PKP3: variants seen among roughly 807,000 people sequenced by gnomAD.
PKP3 encodes the protein plakophilin 3, also known as plakophilin-3.
In PKP3, 66 loss-of-function variants were observed where a neutral mutation model predicts 76.5. The ratio of observed to expected loss-of-function variants is 0.86; its 90% confidence interval spans 0.71 to 1.06. PKP3 has a LOEUF of 1.06. Ranked by LOEUF, PKP3 falls within the 50% of genes least tolerant of loss-of-function variation. The pLI, the probability that PKP3 is intolerant of heterozygous loss-of-function variation, is 0.00. For synonymous variants in PKP3, 638 were observed against 516.5 expected (o/e 1.24, Z -3.19); for missense variants, 1,338 against 1,141.0 (o/e 1.17, Z -2.49).
At chr11:394,075 C>A, upstream of PKP3, 1 of 628,420 alleles carries the variant, frequency 1.6e-6, no homozygotes. Flanking sequence ...GTTCTTCCGC[C>A]CAAATTCCAC....
intron 1 of PKP3, among the ~76,000 whole-genome samples, chr11:395,704 C>G (rs1847036771): frequency 6.6e-6 from 1 of 152,182 alleles, no homozygotes; most frequent in African/African-American, 2.4e-5. Context: ...GGGTGTCCCC[C>G]ACAGAGCATC....
rs1171788045 is a variant in PKP3 at position 400,443 on chromosome 11, G to A, written c.1558G>A (p.Glu520Lys). 5 of 1,545,772 alleles carry A rather than the reference G, an allele frequency of 3.2e-6. No individual in the cohort carries two copies. Among genetic ancestry groups the A allele is most frequent in the Admixed American group, 3.9e-5 (2 of 50,888 alleles). The change falls in exon 7 of 13, where the codon GAG becomes AAG. Residue 520 changes from glutamate (E) to lysine (K), a missense_variant. Physicochemically the swap from Glu to Lys is moderately conservative, Grantham distance 56. Coordinates refer to ENST00000331563, the MANE Select transcript of PKP3 (RefSeq NM_007183.4). ...CCACGCCCTGGACGCGGGCAAATGCGAGGACAAGGTGAGGGGCGCGGTGTG... is the reference window on the plus strand; with the variant it reads ...CCACGCCCTGGACGCGGGCAAATGCAAGGACAAGGTGAGGGGCGCGGTGTG... ...INHALDAGKC[E>K]DKSVENAVCV... is the part of the protein sequence containing the mutation.
upstream of PKP3, chr11:394,114 A>C: frequency 1.0e-6 from 1 of 960,398 alleles, no homozygotes; most frequent in Non-Finnish European, 1.4e-6. Flanking sequence ...CCTCCCTCCC[A>C]CCTGGCCAGG....
chr11:392,761 C>A, upstream of PKP3: 1 of 975,930 alleles, frequency 1.0e-6, no homozygotes, highest in Non-Finnish European at 1.4e-6. Context: ...TGGCCCCAGC[C>A]CGGGCCTCAC....
In PKP3 at chr11:403,394, G is replaced by T. The variant is rs779656038; in HGVS notation, c.1923+131G>T. On this transcript the variant is annotated intron_variant, in intron 9 of 12. Coordinates refer to ENST00000331563, the MANE Select transcript of PKP3 (RefSeq NM_007183.4). The stretch of plus-strand genomic sequence containing the variant: ...GCGGAGCCTCGGAGGTCAGCGTCCC[G>T]GTGGCGCAGGCCTTGGGCCTTGGGA... 6 of 874,878 alleles carry T rather than the reference G, an allele frequency of 6.9e-6. No homozygotes were observed. In the South Asian group the frequency reaches 7.0e-5, roughly 10 times the overall value. The allele number at this position is 874,878 out of a possible 1,614,324, so 54.2% of individuals were successfully genotyped here. A position where few individuals can be genotyped will look rare whatever the true frequency, so the allele number is the denominator to read the frequency against.
rs1041594923 is a variant in PKP3 at position 403,060 on chromosome 11, C to G, written c.1738-18C>G. ...CCCGCTCACCCCGACCCCGCCGACT[C>G]CTCCCCGCCCTGCGCAGCTGCCCCT... On this transcript the variant is annotated intron_variant, in intron 8 of 12. Transcript: ENST00000331563. 1 of 1,423,010 alleles carries G rather than the reference C, an allele frequency of 7.0e-7. No homozygotes were observed. Among genetic ancestry groups the G allele is most frequent in the East Asian group, 2.9e-5 (1 of 34,644 alleles). 88.1% of individuals were successfully genotyped at this position (1,423,010 alleles called of 1,614,324 possible).
intron 5 of PKP3, 140 bp from the exon 6 acceptor site, chr11:399,827 G>T (rs1847119559): frequency 3.0e-6 from 2 of 669,224 alleles, no homozygotes; most frequent in East Asian, 2.8e-5. Flanking sequence ...CCACCCCAGG[G>T]TCTCCCCAGT....
Position 396,878 on chromosome 11 carries a change from A to G in PKP3, c.377A>G (p.Asp126Gly), listed in dbSNP as rs1847053328. 2 of 1,600,224 alleles carry G rather than the reference A, an allele frequency of 1.2e-6. No homozygotes were observed. Among genetic ancestry groups the G allele is most frequent in the Non-Finnish European group, 8.5e-7 (1 of 1,176,434 alleles). The change falls in exon 3 of 13, where the codon GAT becomes GGT. Residue 126 changes from aspartate to glycine, a missense_variant. By Grantham distance (94) the Asp-to-Gly change is moderately conservative. Transcript: ENST00000331563. ...PASWSSRSAV[D>G]LSCSRRLSSA... Reference sequence around the variant, plus strand: ...TCCTGGTCCTCCCGCTCCGCCGTGGATCTGAGCTGCAGTCGGAGGCTGAGT... The same window carrying G: ...TCCTGGTCCTCCCGCTCCGCCGTGGGTCTGAGCTGCAGTCGGAGGCTGAGT...
chr11:396,211 C>T (rs1847042598), intron 1 of PKP3: 2 of 199,384 alleles, frequency 1.0e-5, no homozygotes, highest in East Asian at 2.6e-4. Context: ...ACAGGAGGGG[C>T]TCAAAAGGAG....
Position 396,613 on chromosome 11 carries a change from TC to T in PKP3, c.240del (p.Arg81GlyfsTer18). The T allele has an allele frequency of 6.2e-7, 1 of 1,605,708 alleles. No homozygotes were observed. Among genetic ancestry groups the T allele is most frequent in the Admixed American group, 1.7e-5 (1 of 59,408 alleles). ...EPEAETARGTSRGQYHTLQAG... is the reference protein window; with the variant it reads ...EPEAETARGTXRGQYHTLQAG... Reference sequence around the variant, plus strand: ...ACCACCGTCCCTCTCCACAGGCACATCCAGGGGGCAGTACCACACCCTGCAG... The same window carrying T: ...ACCACCGTCCCTCTCCACAGGCACATCAGGGGGCAGTACCACACCCTGCAG... On this transcript the variant is annotated frameshift_variant, in exon 2 of 13. Coordinates refer to ENST00000331563, the MANE Select transcript of PKP3 (RefSeq NM_007183.4). LOFTEE classifies it high-confidence loss of function.
At position 403,231 on chromosome 11, in the gene PKP3, G is replaced by C. The variant is rs1229102488; in HGVS notation, c.1891G>C (p.Ala631Pro). The change falls in exon 9 of 13, where the codon GCG becomes CCG. Residue 631 changes from alanine (A) to proline (P), a missense_variant. Ala to Pro is a conservative substitution (Grantham distance 27). Coordinates refer to ENST00000331563, the MANE Select transcript of PKP3 (RefSeq NM_007183.4). The part of the protein sequence containing the change: ...NRHTTEAAAG[A>P]LQNITAGDRR... ...GCACACGACGGAGGCGGCCGCCGGG[G>C]CGCTGCAGAACATCACGGCAGGCGA... 6.3e-7 allele frequency: 1 copy of C among 1,588,774 alleles called. No homozygotes were observed. Among genetic ancestry groups the C allele is most frequent in the Admixed American group, 1.8e-5 (1 of 56,804 alleles).
At chr11:402,846 C>G (rs1847176797) in intron 8 of PKP3, among the ~76,000 whole-genome samples, 1 of 3,982 alleles carries the variant, frequency 2.5e-4, no homozygotes, top group Non-Finnish European at 3.9e-4. Flanking sequence ...CACCCCCGCC[C>G]CGCTCACCCC....
At position 400,386 on chromosome 11, in the gene PKP3, G is replaced by C; in HGVS notation, c.1501G>C (p.Gly501Arg). 4 of 1,549,216 alleles carry C rather than the reference G, an allele frequency of 2.6e-6. No individual in the cohort carries two copies. Among genetic ancestry groups the C allele is most frequent in the Non-Finnish European group, 3.5e-6 (4 of 1,146,310 alleles). ...TCGCCAGAAGATGCGGGAGTGCCACGGGCTGGTGGACGCCCTGGTCACCTC... is the reference window on the plus strand; with the variant it reads ...TCGCCAGAAGATGCGGGAGTGCCACCGGCTGGTGGACGCCCTGGTCACCTC... ...ATRQKMRECHGLVDALVTSIN... is the reference protein window; with the variant it reads ...ATRQKMRECHRLVDALVTSIN... The change falls in exon 7 of 13, where the codon GGG (glycine) becomes CGG (arginine). Residue 501 changes from glycine (G) to arginine (R), a missense_variant. By Grantham distance (125) the Gly-to-Arg change is moderately radical (BLOSUM62 -2). Transcript: ENST00000331563.
At position 394,450 on chromosome 11, in the gene PKP3, G is replaced by A. The variant is rs1432148958; in HGVS notation, c.158G>A (p.Arg53His). The change falls in exon 1 of 13, where the codon CGC (arginine) becomes CAC (histidine). Residue 53 changes from arginine to histidine, a missense_variant. Arg to His is a conservative substitution (Grantham distance 29, BLOSUM62 0). Transcript: ENST00000331563. ...CGCGTCCAGGAGCAGGTCCGCGCCC[G>A]CCTCTTGCAGCTGGGACAGCAGCCG... ...AARVQEQVRA[R>H]LLQLGQQPRH... The A allele has an allele frequency of 3.3e-5, 48 of 1,450,146 alleles. No homozygotes were observed. Among genetic ancestry groups the A allele is most frequent in the South Asian group, 4.1e-5 (3 of 73,824 alleles). 89.8% of individuals were successfully genotyped at this position (1,450,146 alleles called of 1,614,324 possible). A position where few individuals can be genotyped will look rare whatever the true frequency, so the allele number is the denominator to read the frequency against.
At chr11:392,980 G>A (rs1207101017), upstream of PKP3, among the ~76,000 whole-genome samples, 6 of 151,956 alleles carry the variant, frequency 3.9e-5, no homozygotes, top group African/African-American at 9.7e-5. Context: ...CTGCCCTGGA[G>A]GAGAGCCCAG....
upstream of PKP3, chr11:394,099 C>G (rs1191130940): frequency 2.6e-6 from 2 of 781,872 alleles, no homozygotes; most frequent in African/African-American, 1.9e-5. Context: ...AAGCAGGCGG[C>G]GGCCCCTCCC....
rs781589491 is a variant in PKP3, at chr11:397,536, C to T, written c.945-3C>T. 1.9e-5 allele frequency: 30 copies of T among 1,612,102 alleles called. No homozygotes were observed. In the East Asian group the frequency reaches 6.7e-4, roughly 36 times the overall value. On this transcript the variant is annotated splice_region_variant and splice_polypyrimidine_tract_variant and intron_variant, in intron 3 of 12. Transcript: ENST00000331563. ...GCCTGACCCCTGACCCCTGGCTCCGCAGTTTTGATGACATTGACCTGCCCT... is the reference window on the plus strand; with the variant it reads ...GCCTGACCCCTGACCCCTGGCTCCGTAGTTTTGATGACATTGACCTGCCCT...
chr11:393,990 T>TC (rs946565003), upstream of PKP3, among the ~76,000 whole-genome samples: 8 of 152,116 alleles, frequency 5.3e-5, no homozygotes, highest in Non-Finnish European at 2.9e-5. Context: ...AGGACCCAGG[T>TC]CCCCGTGGCC....
chr11:404,213 T>G lies in PKP3; in HGVS notation c.2271-23T>G. On this transcript the variant is annotated intron_variant, in intron 11 of 12. Transcript: ENST00000331563. The surrounding 1 kb of genome is among the most constrained non-coding windows in gnomAD (Gnocchi z 4.2). ...CCCTGCTTTCTGGCTGTGTGTCCCC[T>G]CCTGACTGCCCTCCACCCTCAGCCC... 2 of 1,611,034 alleles carry G rather than the reference T, an allele frequency of 1.2e-6. No individual in the cohort carries two copies. Among genetic ancestry groups the G allele is most frequent in the Non-Finnish European group, 1.7e-6 (2 of 1,178,512 alleles).
Sources: gnomAD v4.1 joint callset for allele counts (sites outside exome capture counted in the v4.1 genomes callset) on GRCh38, gnomAD v4.1.1 for gene constraint, Gnocchi (gnomAD v3.1) non-coding constraint, MANE v1.5 for transcripts, NCBI Gene and HGNC (gene_info 2026-07-23, HGNC 2026-07-21) for gene names.